The following RNF150 variants were observed in gnomAD, a reference collection of about 807,000 sequenced individuals.
RNF150 encodes ring finger protein 150.
Under a neutral mutation model 39.3 loss-of-function variants are expected in RNF150, and 24 were observed. The observed-to-expected ratio is 0.61, with a 90% CI of 0.44 to 0.86. The LOEUF is 0.86. RNF150 is among the 40% of genes least tolerant of loss of function. The pLI, the probability that RNF150 is intolerant of heterozygous loss-of-function variation, is 0.00. For synonymous variants in RNF150, 255 were observed against 227.3 expected, an observed-to-expected ratio of 1.12 and a Z score of -1.10; for missense variants, 502 against 587.8, an observed-to-expected ratio of 0.85 and a Z score of 1.51.
chr4:140,872,162 G>T (rs1728972968), intron 6 of RNF150, among the ~76,000 whole-genome samples: 1 of 152,170 alleles, frequency 6.6e-6, no homozygotes, highest in Non-Finnish European at 1.5e-5. Flanking sequence ...TAATACGAAT[G>T]AAAACTTTGT....
chr4:141,046,640 C>T (rs1374492853), intron 1 of RNF150, among the ~76,000 whole-genome samples: 2 of 152,240 alleles, frequency 1.3e-5, no homozygotes, highest in East Asian at 1.9e-4. Flanking sequence ...GTACCCATGA[C>T]CATTTGTTTT....
intron 6 of RNF150, among the ~76,000 whole-genome samples, chr4:140,898,908 A>G (rs1189762297): frequency 2.0e-5 from 3 of 152,224 alleles, no homozygotes; most frequent in Non-Finnish European, 4.4e-5. Flanking sequence ...TGATTAAGGC[A>G]TAAGTCTTAA....
rs531643350 is a variant in RNF150 at position 141,081,768 on chromosome 4, T to C, written c.484+50557A>G. On this transcript the variant is annotated intron_variant, in intron 1 of 6. Coordinates refer to ENST00000515673, the MANE Select transcript of RNF150 (RefSeq NM_020724.2). ...GATTTTTAAGTTATTCCTTTAGAGA[T>C]AGACACTTTTCATGTATGTTTAAAG... 3.3e-5 allele frequency among the ~76,000 whole-genome samples: 5 copies of C among 152,340 alleles called. No homozygotes were observed. In the East Asian group the frequency reaches 5.8e-4, roughly 18 times the overall value.
At chr4:140,884,204 T>C (rs1048398324) in intron 6 of RNF150, among the ~76,000 whole-genome samples, 2 of 114,352 alleles carry the variant, frequency 1.7e-5, no homozygotes, top group Non-Finnish European at 3.7e-5. Context: ...TATCCAGCTG[T>C]CTATCTGTGC....
chr4:140,994,384 C>G (rs1734291753), intron 1 of RNF150, among the ~76,000 whole-genome samples: 1 of 152,172 alleles, frequency 6.6e-6, no homozygotes, highest in African/African-American at 2.4e-5. Context: ...TGACCATGAG[C>G]ACAGGTTGAA....
chr4:141,065,877 A>C (rs143055181), intron 1 of RNF150, among the ~76,000 whole-genome samples: 98 of 152,158 alleles, frequency 6.4e-4, no homozygotes, highest in Middle Eastern at 3.4e-3. Flanking sequence ...GATGATGTGG[A>C]ATCAGCATAT....
rs549522492 is a variant in RNF150, at chr4:141,158,669, T to G, written c.-6+54125A>C. 1.9e-3 allele frequency among the ~76,000 whole-genome samples: 296 copies of G among 152,312 alleles called. 2 individuals carry two copies. Among genetic ancestry groups the G allele is most frequent in the African/African-American group, 6.7e-3 (277 of 41,554 alleles). On this transcript the variant is annotated intron_variant, in intron 1 of 7. Coordinates refer to the RNF150 transcript ENST00000420921. ...TTTCTGCTCATTTATCATTACCATT[T>G]CATTTTTACAATGTACAGATAGTGG...
At chr4:141,068,686 C>T (rs1012662715) in intron 1 of RNF150, among the ~76,000 whole-genome samples, 1 of 149,764 alleles carries the variant, frequency 6.7e-6, no homozygotes, top group Non-Finnish European at 1.5e-5. Flanking sequence ...TCTTCCTACC[C>T]ATGAGCATGG....
chr4:141,012,083 G>A (rs1383181124), intron 1 of RNF150, among the ~76,000 whole-genome samples: 1 of 152,152 alleles, frequency 6.6e-6, no homozygotes, highest in African/African-American at 2.4e-5. Context: ...ACTAATCACT[G>A]CCAATCATAT....
At chr4:141,065,844 G>T (rs1404133524) in intron 1 of RNF150, among the ~76,000 whole-genome samples, 1 of 151,754 alleles carries the variant, frequency 6.6e-6, no homozygotes, top group Non-Finnish European at 1.5e-5. Context: ...CTCATGGAAG[G>T]TTCATATGAT....
chr4:141,117,629 A>G (rs1347935700), intron 1 of RNF150, among the ~76,000 whole-genome samples: 1 of 152,238 alleles, frequency 6.6e-6, no homozygotes, highest in Non-Finnish European at 1.5e-5. Context: ...TACATTTCTC[A>G]GAATATGTCC....
chr4:141,203,217 C>T (rs1486702989), intron 1 of RNF150, among the ~76,000 whole-genome samples: 2 of 41,276 alleles, frequency 4.8e-5, no homozygotes, highest in Admixed American at 3.4e-4. Flanking sequence ...ATCTTGGAGA[C>T]GATATATATA....
intron 6 of RNF150, among the ~76,000 whole-genome samples, chr4:140,878,444 A>C (rs1560944532): frequency 1.3e-5 from 2 of 152,140 alleles, no homozygotes; most frequent in African/African-American, 4.8e-5. Context: ...AAGTGCTGGG[A>C]TTACAGGCGT....
At chr4:140,883,989 C>A (rs1391516776) in intron 6 of RNF150, among the ~76,000 whole-genome samples, 1 of 149,622 alleles carries the variant, frequency 6.7e-6, no homozygotes. Context: ...TTTTTTTTTG[C>A]TCTTATGACT....
intron 1 of RNF150, among the ~76,000 whole-genome samples, chr4:141,074,203 G>A (rs1209949924): frequency 6.6e-6 from 1 of 151,908 alleles, no homozygotes; most frequent in Non-Finnish European, 1.5e-5. Context: ...CCTGCGAGCA[G>A]AGAATCAAGT....
chr4:141,159,043 G>A lies in RNF150; in HGVS notation c.-6+53751C>T, dbSNP rs532823530. Among the ~76,000 whole-genome samples the A allele has an allele frequency of 7.9e-5, 12 of 152,300 alleles. 1 individual carries two copies. The South Asian group carries it at 1.9e-3, about 24-fold the overall frequency. On this transcript the variant is annotated intron_variant, in intron 1 of 7. Transcript: ENST00000420921. ...CAGCCAAGCCAATCTGGAAAATGCT[G>A]TAAACTACAGCCCCTATTTGGAGCT...
At chr4:141,158,067 C>T (rs986728426) in intron 1 of RNF150, among the ~76,000 whole-genome samples, 2 of 152,060 alleles carry the variant, frequency 1.3e-5, no homozygotes, top group East Asian at 1.9e-4. Flanking sequence ...CTGAGGCAGG[C>T]GGATCACGAG....
At chr4:140,931,638 G>A (rs1229481508) in intron 4 of RNF150, among the ~76,000 whole-genome samples, 1 of 152,178 alleles carries the variant, frequency 6.6e-6, no homozygotes, top group Admixed American at 6.6e-5. Context: ...TGCTGAGTGA[G>A]AAAGCACACA....
chr4:140,905,960 T>C (rs1380916464), intron 6 of RNF150, among the ~76,000 whole-genome samples: 1 of 151,992 alleles, frequency 6.6e-6, no homozygotes, highest in Non-Finnish European at 1.5e-5. Flanking sequence ...AGGCTGAAAA[T>C]GGACTCCTGG....
Sources: allele counts gnomAD v4.1 joint callset (sites outside exome capture counted in the v4.1 genomes callset), GRCh38; gene constraint gnomAD v4.1.1; transcripts MANE v1.5; gene names NCBI Gene and HGNC (gene_info 2026-07-23, HGNC 2026-07-21).